Variants in PCGF5 observed in about 807,000 individuals in gnomAD.
The protein encoded by PCGF5 is polycomb group ring finger 5.
A neutral mutation model predicts 44.3 loss-of-function variants in PCGF5; 9 were observed. The observed-to-expected ratio is 0.20, with a 90% CI of 0.12 to 0.35. The LOEUF is 0.35. PCGF5 is among the 10% of genes least tolerant of loss of function. The pLI, the probability that PCGF5 is intolerant of heterozygous loss-of-function variation, is 1.00. For missense variants in PCGF5, 146 were observed against 305.3 expected (o/e 0.48, Z 3.89); for synonymous variants, 95 against 102.5 (o/e 0.93, Z 0.44).
intron 1 of PCGF5, among the ~76,000 whole-genome samples, chr10:91,185,743 G>A (rs917809639): frequency 2.6e-5 from 4 of 152,154 alleles, no homozygotes; most frequent in East Asian, 3.8e-4. Context: ...CTCCTGACCC[G>A]GGAGTTGCAA....
intron 1 of PCGF5, among the ~76,000 whole-genome samples, chr10:91,182,996 T>C (rs1843850425): frequency 6.6e-6 from 1 of 152,230 alleles, no homozygotes; most frequent in South Asian, 2.1e-4. Flanking sequence ...TGTTACTATT[T>C]CAGTTCTTTT....
intron 2 of PCGF5, among the ~76,000 whole-genome samples, chr10:91,234,380 C>T (rs1845093268): frequency 1.3e-5 from 2 of 152,222 alleles, no homozygotes; most frequent in Admixed American, 6.5e-5. Context: ...CTTGGACACA[C>T]ACCTCACCCT....
chr10:91,202,602 A>G (rs1345719162), intron 1 of PCGF5, among the ~76,000 whole-genome samples: 1 of 152,224 alleles, frequency 6.6e-6, no homozygotes, highest in Non-Finnish European at 1.5e-5. Flanking sequence ...ACTGTAATAT[A>G]ATATACAGCC....
In PCGF5 at chr10:91,227,468, A is replaced by G; in HGVS notation, c.112+4485A>G. The G allele has an allele frequency of 2.3e-6, 3 of 1,283,550 alleles. No individual in the cohort carries two copies. In the Middle Eastern group the frequency reaches 6.5e-4, roughly 276 times the overall value. 79.5% of individuals were successfully genotyped at this position (1,283,550 alleles called of 1,614,324 possible). ...AAATATGCTCCATGCTTGACTCTTT[A>G]CCCTCACTAACAAAACTGGGCAAAG... is the stretch of plus-strand genomic sequence containing the variant. On this transcript the variant is annotated intron_variant, in intron 2 of 9. Transcript: ENST00000336126.
intron 1 of PCGF5, among the ~76,000 whole-genome samples, chr10:91,207,540 A>T (rs1844369759): frequency 1.3e-5 from 2 of 152,246 alleles, no homozygotes. Context: ...ACATACAGTT[A>T]CTATATTCAG....
intron 2 of PCGF5, chr10:91,227,362 T>C (rs1471027871): frequency 1.6e-6 from 2 of 1,227,744 alleles, no homozygotes. Context: ...GGATGTCCAC[T>C]TGGATGTCCT....
At chr10:91,158,175 T>C (rs1843342860), upstream of PCGF5, among the ~76,000 whole-genome samples, 1 of 152,190 alleles carries the variant, frequency 6.6e-6, no homozygotes, top group African/African-American at 2.4e-5. Context: ...TAGACTTTAT[T>C]TATAGGAGAG....
chr10:91,266,239 A>G (rs1256860259), intron 8 of PCGF5, among the ~76,000 whole-genome samples: 5 of 152,198 alleles, frequency 3.3e-5, no homozygotes, highest in Non-Finnish European at 4.4e-5. Context: ...CGTGATGAAT[A>G]GACTTGCCTT....
intron 1 of PCGF5, among the ~76,000 whole-genome samples, chr10:91,191,072 G>A (rs1844024021): frequency 6.6e-6 from 1 of 152,186 alleles, no homozygotes; most frequent in Non-Finnish European, 1.5e-5. Context: ...CCTAGTGGGT[G>A]CCTGATACCA....
In PCGF5 at chr10:91,210,041, G is replaced by T. The variant is rs187916841; in HGVS notation, c.-183-12648G>T. 1.2e-4 allele frequency among the ~76,000 whole-genome samples: 19 copies of T among 152,330 alleles called. No individual in the cohort carries two copies. The East Asian group carries it at 3.7e-3, about 29-fold the overall frequency. ...ACTTCTGGCATTTAGATGGATAGCA[G>T]ATCATAGCATTAGACAATCTATAAA... On this transcript the variant is annotated intron_variant, in intron 1 of 9. Transcript: ENST00000614189.
chr10:91,251,238 A>G (rs1160427909), intron 5 of PCGF5, 54 bp from the exon 6 acceptor site: 2 of 1,450,854 alleles, frequency 1.4e-6, no homozygotes, highest in African/African-American at 2.9e-5. Flanking sequence ...TGATTGCTTA[A>G]CTTTAAAATC....
chr10:91,268,445 C>T (rs1022201483), intron 8 of PCGF5, among the ~76,000 whole-genome samples: 10 of 152,004 alleles, frequency 6.6e-5, no homozygotes, highest in African/African-American at 1.9e-4. Flanking sequence ...ACTGGCATTG[C>T]GTTATATTTC....
At chr10:91,163,875 C>A (rs1158793996) in intron 1 of PCGF5, among the ~76,000 whole-genome samples, 1 of 152,146 alleles carries the variant, frequency 6.6e-6, no homozygotes, top group Non-Finnish European at 1.5e-5. Context: ...GCCCGCTGCT[C>A]CCATCCCCTC....
At chr10:91,172,738 A>G (rs1239383661) in intron 1 of PCGF5, among the ~76,000 whole-genome samples, 5 of 152,222 alleles carry the variant, frequency 3.3e-5, no homozygotes, top group Non-Finnish European at 1.5e-5. Context: ...ACATTGTTAT[A>G]TCAACTAGAA....
upstream of PCGF5, chr10:91,220,595 G>C (rs1844643157): frequency 6.7e-6 from 1 of 149,604 alleles, no homozygotes; most frequent in Non-Finnish European, 1.5e-5. Context: ...CGGTGCCGCC[G>C]GTTGGAAGTG....
At chr10:91,169,584 T>G (rs1230308138) in intron 1 of PCGF5, among the ~76,000 whole-genome samples, 1 of 152,208 alleles carries the variant, frequency 6.6e-6, no homozygotes, top group African/African-American at 2.4e-5. Context: ...AAAATATGTA[T>G]AAAATCTATG....
chr10:91,277,209 G>A (rs1846338124), intron 9 of PCGF5, among the ~76,000 whole-genome samples: 1 of 152,168 alleles, frequency 6.6e-6, no homozygotes, highest in Non-Finnish European at 1.5e-5. Context: ...CCAGTGTGTA[G>A]CATAGCTATA....
intron 1 of PCGF5, among the ~76,000 whole-genome samples, chr10:91,185,750 G>T (rs113188295): frequency 9.8e-5 from 15 of 152,318 alleles, no homozygotes; most frequent in African/African-American, 3.6e-4. Flanking sequence ...CCCGGGAGTT[G>T]CAAAGATTGG....
chr10:91,223,141 G>T (rs1252708026), intron 2 of PCGF5, among the ~76,000 whole-genome samples, 158 bp downstream of exon 2: 1 of 152,072 alleles, frequency 6.6e-6, no homozygotes, highest in Non-Finnish European at 1.5e-5. Flanking sequence ...TTTGTCATTG[G>T]GTTGCCAGTG....
Sources: gnomAD v4.1 joint callset for allele counts (sites outside exome capture counted in the v4.1 genomes callset) on GRCh38, gnomAD v4.1.1 for gene constraint, MANE v1.5 for transcripts, NCBI Gene and HGNC (gene_info 2026-07-23, HGNC 2026-07-21) for gene names.